DLGAP2: variants seen among roughly 807,000 people sequenced by gnomAD.
DLGAP2 encodes the protein disks large-associated protein 2.
DLGAP2 carries 26 observed loss-of-function variants against 100.3 expected under a neutral mutation model. The ratio of observed to expected loss-of-function variants is 0.26; its 90% CI spans 0.19 to 0.36. DLGAP2 has a LOEUF of 0.36. Ranked by LOEUF, DLGAP2 falls within the 10% of genes least tolerant of loss-of-function variation. The pLI is 1.00. For synonymous variants in DLGAP2, 886 were observed against 630.1 expected (o/e 1.41, Z -6.08); for missense variants, 1,858 against 1,453.2 (o/e 1.28, Z -4.53).
chr8:1,204,912 G>A (rs950775250), intron 2 of DLGAP2, among the ~76,000 whole-genome samples: 3 of 152,194 alleles, frequency 2.0e-5, no homozygotes, highest in African/African-American at 7.2e-5. Context: ...GACCAGGGCT[G>A]TTTGCCTGGA....
chr8:1,613,816 A>C (rs1214426053), intron 6 of DLGAP2, among the ~76,000 whole-genome samples: 1 of 152,178 alleles, frequency 6.6e-6, no homozygotes, highest in South Asian at 2.1e-4. Context: ...GTTCACTCAC[A>C]CTGGCCTCCT....
chr8:967,794 T>C (rs1445864799), intron 2 of DLGAP2, among the ~76,000 whole-genome samples: 3 of 93,968 alleles, frequency 3.2e-5, no homozygotes, highest in East Asian at 4.4e-4. Flanking sequence ...TATATATATA[T>C]ACACCTCTTT....
chr8:948,680 C>T (rs1799395656), intron 2 of DLGAP2, among the ~76,000 whole-genome samples: 1 of 152,252 alleles, frequency 6.6e-6, no homozygotes, highest in African/African-American at 2.4e-5. Context: ...GCGGCGCTGC[C>T]CGGCCCCACG....
At chr8:1,192,541 C>T (rs1269786756) in intron 2 of DLGAP2, among the ~76,000 whole-genome samples, 1 of 152,066 alleles carries the variant, frequency 6.6e-6, no homozygotes, top group African/African-American at 2.4e-5. Flanking sequence ...TGCCCTTTGT[C>T]CAGCCTCTCT....
intron 1 of DLGAP2, among the ~76,000 whole-genome samples, chr8:748,689 G>A (rs761123547): frequency 3.4e-4 from 52 of 152,182 alleles, no homozygotes; most frequent in Admixed American, 9.2e-4. Context: ...TGAGGAGCTC[G>A]TGGTGGCACA....
intron 6 of DLGAP2, chr8:1,604,453 T>C (rs1796728248): frequency 6.6e-6 from 1 of 152,172 alleles, no homozygotes; most frequent in Admixed American, 6.5e-5. Context: ...TCACCTAGAA[T>C]GTTTATTTAA....
At chr8:1,331,123 T>G (rs1427622127) in intron 3 of DLGAP2, among the ~76,000 whole-genome samples, 1 of 152,212 alleles carries the variant, frequency 6.6e-6, no homozygotes, top group East Asian at 1.9e-4. Flanking sequence ...GCACGCTTTC[T>G]TTCATCTGTG....
intron 4 of DLGAP2, among the ~76,000 whole-genome samples, chr8:1,507,238 CG>C (rs1390545593): frequency 6.6e-6 from 1 of 152,186 alleles, no homozygotes; most frequent in African/African-American, 2.4e-5. Flanking sequence ...TTGGGCCGCG[CG>C]GGAGCCCACC....
At chr8:1,170,548 C>T (rs1011956594) in intron 2 of DLGAP2, among the ~76,000 whole-genome samples, 1 of 149,182 alleles carries the variant, frequency 6.7e-6, no homozygotes, top group African/African-American at 2.5e-5. Flanking sequence ...TTGATTATTG[C>T]CACAATTTCA....
intron 1 of DLGAP2, among the ~76,000 whole-genome samples, chr8:907,586 TG>T (rs1380481711): frequency 6.6e-6 from 1 of 152,196 alleles, no homozygotes; most frequent in African/African-American, 2.4e-5. Flanking sequence ...CAAAAATTGG[TG>T]GGTCCATTTA....
intron 2 of DLGAP2, among the ~76,000 whole-genome samples, chr8:1,182,307 C>G: frequency 6.6e-6 from 1 of 152,258 alleles, no homozygotes; most frequent in East Asian, 1.9e-4. Flanking sequence ...CCTGAGGTCC[C>G]TTGACTGTGG....
intron 2 of DLGAP2, among the ~76,000 whole-genome samples, chr8:1,190,702 A>G (rs942209808): frequency 6.6e-6 from 1 of 152,276 alleles, no homozygotes; most frequent in African/African-American, 2.4e-5. Context: ...GTAGAGAAGA[A>G]GAAAGCCAGG....
chr8:1,160,926 C>T (rs949973765), intron 2 of DLGAP2, among the ~76,000 whole-genome samples: 1 of 152,170 alleles, frequency 6.6e-6, no homozygotes, highest in African/African-American at 2.4e-5. Flanking sequence ...GGTTTTTCAC[C>T]TAAGGAATTA....
At chr8:872,397 G>A (rs1283635410) in intron 1 of DLGAP2, among the ~76,000 whole-genome samples, 2 of 146,912 alleles carry the variant, frequency 1.4e-5, no homozygotes, top group Admixed American at 7.1e-5. Context: ...ACAACGGCGC[G>A]ATCTCGGCTC....
intron 3 of DLGAP2, among the ~76,000 whole-genome samples, chr8:1,451,579 T>C (rs903582727): frequency 6.6e-6 from 1 of 152,038 alleles, no homozygotes; most frequent in African/African-American, 2.4e-5. Context: ...AAATCCGAGG[T>C]ACCTGTTCCG....
chr8:1,648,750 C>G lies in DLGAP2; in HGVS notation c.1810+15704C>G, dbSNP rs146359739. ...GGCCTCTTTCCTCCTCTCCCTGAGC[C>G]CCTGGTCCCCTCAGTCATGTCTCTA... On this transcript the variant is annotated intron_variant, in intron 8 of 14. Coordinates refer to ENST00000637795, the MANE Select transcript of DLGAP2 (RefSeq NM_001346810.2). Among the ~76,000 whole-genome samples, 722 of 152,316 alleles carry G rather than the reference C, an allele frequency of 4.7e-3. 3 individuals are homozygous for G. Among genetic ancestry groups the G allele is most frequent in the African/African-American group, 0.017 (688 of 41,560 alleles).
chr8:1,133,247 C>T (rs1796335021), intron 2 of DLGAP2, among the ~76,000 whole-genome samples: 1 of 152,156 alleles, frequency 6.6e-6, no homozygotes, highest in African/African-American at 2.4e-5. Context: ...TGGAATTTTC[C>T]TTTACTTCCA....
At chr8:1,079,300 T>C (rs1803723080) in intron 2 of DLGAP2, among the ~76,000 whole-genome samples, 1 of 152,258 alleles carries the variant, frequency 6.6e-6, no homozygotes, top group South Asian at 2.1e-4. Flanking sequence ...TATCCACCTT[T>C]TATAAGATTT....
At chr8:866,112 C>T (rs965932614) in intron 1 of DLGAP2, among the ~76,000 whole-genome samples, 4 of 152,108 alleles carry the variant, frequency 2.6e-5, no homozygotes, top group African/African-American at 9.7e-5. Flanking sequence ...GGCACAGTGG[C>T]GGGCAGAGTC....
Sources: gnomAD v4.1 joint callset for allele counts (sites outside exome capture counted in the v4.1 genomes callset) on GRCh38, gnomAD v4.1.1 for gene constraint, MANE v1.5 for transcripts, NCBI Gene and HGNC (gene_info 2026-07-23, HGNC 2026-07-21) for gene names.